Variants in SLC8B1 observed in about 807,000 individuals in gnomAD.
SLC8B1 encodes mitochondrial sodium/calcium exchanger protein.
In SLC8B1, 52 loss-of-function variants were observed where a neutral mutation model predicts 63.4. The ratio of observed to expected loss-of-function variants is 0.82; its 90% CI spans 0.66 to 1.03. The LOEUF (loss-of-function observed/expected upper bound fraction) is 1.03, where lower values mean the gene tolerates loss of function less well. Among genes scored for constraint, SLC8B1 ranks in the 50% least tolerant of loss-of-function variants. SLC8B1 has a pLI of 0.00. For missense variants in SLC8B1, 657 were observed against 741.7 expected (o/e 0.89, Z 1.33); for synonymous variants, 336 against 323.9 (o/e 1.04, Z -0.40).
In SLC8B1 at chr12:113,299,261, C is replaced by A; in HGVS notation, c.*516G>T. The stretch of plus-strand genomic sequence containing the variant: ...AGTATGTCTCGAATTCTGTTTGTGG[C>A]AGATGGTGCGGCTCTGGAGCTCAGC... On this transcript the variant is annotated 3_prime_UTR_variant, in exon 16 of 16. Coordinates refer to ENST00000680972, the MANE Select transcript of SLC8B1 (RefSeq NM_001358345.2). 1 of 160,860 alleles carries A rather than the reference C, an allele frequency of 6.2e-6. No individual in the cohort carries two copies. Among genetic ancestry groups the A allele is most frequent in the East Asian group, 1.7e-4 (1 of 5,838 alleles). 10.0% of individuals were successfully genotyped at this position (160,860 alleles called of 1,614,324 possible).
rs186647977 is a variant in SLC8B1, at chr12:113,315,963, G to A, written c.994-487C>T. Among the ~76,000 whole-genome samples the A allele has an allele frequency of 5.3e-5, 8 of 152,338 alleles. No homozygotes were observed. In the East Asian group the frequency reaches 9.6e-4, roughly 18 times the overall value. Reference sequence around the variant, plus strand: ...ATGATGGCTGGATGCGGTGGCTCACGCCTGTAATCCCAGCACTTTAGGAGG... The same window carrying A: ...ATGATGGCTGGATGCGGTGGCTCACACCTGTAATCCCAGCACTTTAGGAGG... On this transcript the variant is annotated intron_variant, in intron 10 of 15. Transcript: ENST00000680972.
At chr12:113,318,327 GTA>G (rs568960079) in intron 8 of SLC8B1, among the ~76,000 whole-genome samples, 209 of 151,468 alleles carry the variant, frequency 1.4e-3, no homozygotes, top group African/African-American at 4.8e-3. Context: ...GCATGCATCT[GTA>G]TATATGTTGC....
At position 113,299,674 on chromosome 12, in the gene SLC8B1, T is replaced by C. The variant is rs370070269; in HGVS notation, c.*103A>G. On this transcript the variant is annotated 3_prime_UTR_variant, in exon 16 of 16. Coordinates refer to ENST00000680972, the MANE Select transcript of SLC8B1 (RefSeq NM_001358345.2). ...TCCAGCAGCAAGGGCCGCACTCTCG[T>C]GCCCACAAGGGCCTTGCAGAAATGC... 4.4e-6 allele frequency: 5 copies of C among 1,138,502 alleles called. No homozygotes were observed. The highest frequency in any genetic ancestry group is 1.5e-5 in the African/African-American group (1 of 65,288). 70.5% of individuals were successfully genotyped at this position (1,138,502 alleles called of 1,614,324 possible).
intron 11 of SLC8B1, among the ~76,000 whole-genome samples, chr12:113,312,120 G>A (rs193275643): frequency 6.6e-6 from 1 of 152,064 alleles, no homozygotes; most frequent in East Asian, 1.9e-4. Flanking sequence ...AAAGGCTGTA[G>A]GAGGCAGTTG....
intron 15 of SLC8B1, among the ~76,000 whole-genome samples, chr12:113,300,271 A>T (rs1308324122): frequency 6.6e-6 from 1 of 152,186 alleles, no homozygotes; most frequent in Non-Finnish European, 1.5e-5. Context: ...TGAGGTCAGG[A>T]GTTCGACCTG....
chr12:113,320,513 C>T lies in SLC8B1; in HGVS notation c.527-15G>A, dbSNP rs1206395281. The T allele has an allele frequency of 3.1e-6, 5 of 1,613,848 alleles. No homozygotes were observed. In the African/African-American group the frequency reaches 4.0e-5, roughly 13 times the overall value. Reference sequence around the variant, plus strand: ...CACGCCAGCGCCTGGGGGGAGGAGGCCAGAGCTCAGCCACCCTGCACCCTC... The same window carrying T: ...CACGCCAGCGCCTGGGGGGAGGAGGTCAGAGCTCAGCCACCCTGCACCCTC... On this transcript the variant is annotated splice_polypyrimidine_tract_variant and intron_variant, in intron 6 of 15. Coordinates refer to ENST00000680972, the MANE Select transcript of SLC8B1 (RefSeq NM_001358345.2). The surrounding 1 kb of genome is among the most constrained non-coding windows in gnomAD (Gnocchi z 5.3).
rs1956911143 is a variant in SLC8B1 at position 113,320,597 on chromosome 12, G to A, written c.510C>T (p.Ala170=). Residue 170 remains alanine (A), a synonymous_variant, in exon 6 of 16, where the codon GCC becomes GCT. Transcript: ENST00000680972. The surrounding 1 kb of genome is among the most constrained non-coding windows in gnomAD (Gnocchi z 5.3). ...AFSDPHTAGL[A]LGALFGAGVL... is the part of the protein sequence containing the mutation. Reference sequence around the variant, plus strand: ...TGCTCTCACCAAACAGTGCCCCAAGGGCCAGGCCGGCTGTGTGCGGGTCAG... The same window carrying A: ...TGCTCTCACCAAACAGTGCCCCAAGAGCCAGGCCGGCTGTGTGCGGGTCAG... The A allele has an allele frequency of 6.2e-7, 1 of 1,614,084 alleles. No individual in the cohort carries two copies. The highest frequency in any genetic ancestry group is 8.5e-7 in the Non-Finnish European group (1 of 1,180,024).
intron 8 of SLC8B1, among the ~76,000 whole-genome samples, chr12:113,317,335 C>T (rs1256045445): frequency 5.3e-5 from 8 of 152,134 alleles, no homozygotes; most frequent in Non-Finnish European, 1.0e-4. Context: ...GCAGTCCACC[C>T]GCCTCAGCTT....
Position 113,321,318 on chromosome 12 carries a change from CAG to C in SLC8B1, c.185_186del (p.Ser62Ter). The C allele has an allele frequency of 6.2e-7, 1 of 1,614,104 alleles. No individual in the cohort carries two copies. Among genetic ancestry groups the C allele is most frequent in the Non-Finnish European group, 8.5e-7 (1 of 1,180,030 alleles). On this transcript the variant is annotated frameshift_variant, in exon 3 of 16. Coordinates refer to ENST00000680972, the MANE Select transcript of SLC8B1 (RefSeq NM_001358345.2). LOFTEE classifies it high-confidence loss of function. ...TTGGTCCGGATGAAGTCACAGCGGT[CAG>C]AGACATTCAGGCCACACACCTTGCG... ...DCRKVCGLNV[S>X]DRCDFIRTNP... is the part of the protein sequence containing the mutation.
At chr12:113,314,923 G>A (rs530207207) in intron 11 of SLC8B1, among the ~76,000 whole-genome samples, 61 of 152,282 alleles carry the variant, frequency 4.0e-4, no homozygotes, top group East Asian at 7.7e-4. Flanking sequence ...TGGCACAAGC[G>A]CATAGTAAGC....
Position 113,320,975 on chromosome 12 carries a change from A to G in SLC8B1, c.363-68T>C. On this transcript the variant is annotated intron_variant, in intron 4 of 15. Coordinates refer to ENST00000680972, the MANE Select transcript of SLC8B1 (RefSeq NM_001358345.2). The surrounding 1 kb of genome is among the most constrained non-coding windows in gnomAD (Gnocchi z 5.3). The stretch of plus-strand genomic sequence containing the variant: ...GCCCCGGACCCCTATCCTTCCCCCA[A>G]ACTGAGGGTGACCGAATGTCAGCCT... The G allele has an allele frequency of 1.3e-6, 2 of 1,590,562 alleles. No homozygotes were observed. Among genetic ancestry groups the G allele is most frequent in the South Asian group, 1.1e-5 (1 of 88,102 alleles).
At chr12:113,306,798 C>T (rs1041316209) in intron 13 of SLC8B1, 5 of 554,222 alleles carry the variant, frequency 9.0e-6, no homozygotes, top group African/African-American at 3.8e-5. Flanking sequence ...ACACCAGGAA[C>T]AACTTTGCAG....
chr12:113,307,603 C>A, intron 13 of SLC8B1, 88 bp downstream of exon 13: 1 of 1,498,634 alleles, frequency 6.7e-7, no homozygotes. Flanking sequence ...CTGGACACTC[C>A]TGCCCAGATG....
chr12:113,314,834 C>T (rs1031918874), intron 11 of SLC8B1, among the ~76,000 whole-genome samples: 2 of 152,226 alleles, frequency 1.3e-5, no homozygotes, highest in African/African-American at 4.8e-5. Flanking sequence ...TGTTTTGCAG[C>T]CTCCATCTGG....
rs2136814401 is a variant in SLC8B1, at chr12:113,299,597, G to A, written c.*180C>T. ...CCCACGGCAAGGCTGTTGGGTGCTG[G>A]CAGCAAGAGGTACACAGCAGTTCTC... On this transcript the variant is annotated 3_prime_UTR_variant, in exon 16 of 16. Coordinates refer to ENST00000680972, the MANE Select transcript of SLC8B1 (RefSeq NM_001358345.2). 1.6e-6 allele frequency: 1 copy of A among 625,968 alleles called. No homozygotes were observed. Among genetic ancestry groups the A allele is most frequent in the Non-Finnish European group, 2.8e-6 (1 of 354,508 alleles). 38.8% of individuals were successfully genotyped at this position (625,968 alleles called of 1,614,324 possible). A position where few individuals can be genotyped will look rare whatever the true frequency, so the allele number is the denominator to read the frequency against.
At chr12:113,327,127 C>T (rs1394524375) in intron 2 of SLC8B1, among the ~76,000 whole-genome samples, 4 of 152,038 alleles carry the variant, frequency 2.6e-5, no homozygotes, top group Non-Finnish European at 4.4e-5. Flanking sequence ...GATAAAGTCA[C>T]CCAAGGGGTT....
At chr12:113,316,840 G>T in intron 9 of SLC8B1, 102 bp downstream of exon 9, 1 of 1,501,496 alleles carries the variant, frequency 6.7e-7, no homozygotes, top group Non-Finnish European at 9.1e-7. Context: ...GGGCCGATTT[G>T]GAGCCTCATT....
In SLC8B1 at chr12:113,300,475, T is replaced by G. The variant is rs77981529; in HGVS notation, c.1558-501A>C. Among the ~76,000 whole-genome samples, 2,320 of 151,950 alleles carry G rather than the reference T, an allele frequency of 0.015. 121 individuals carry two copies. The East Asian group carries it at 0.19, about 12-fold the overall frequency. ...TCCAGCTTGGGTGATGGAGTAAGAC[T>G]CTGTCTCAAAAAATAAATAAAATAA... On this transcript the variant is annotated intron_variant, in intron 15 of 15. Coordinates refer to ENST00000680972, the MANE Select transcript of SLC8B1 (RefSeq NM_001358345.2).
chr12:113,305,683 T>C lies in SLC8B1; in HGVS notation c.1492+812A>G, dbSNP rs1321353890. ...GAACAGAGCCATGGCCATTCACTTA[T>C]GCACTGTCTGTGCCTGTTTCTGCAC... On this transcript the variant is annotated intron_variant, in intron 14 of 15. Transcript: ENST00000680972. The surrounding 1 kb of genome is among the most constrained non-coding windows in gnomAD (Gnocchi z 4.3). Among the ~76,000 whole-genome samples the C allele has an allele frequency of 2.0e-5, 3 of 152,242 alleles. No individual in the cohort carries two copies. Among genetic ancestry groups the C allele is most frequent in the South Asian group, 2.1e-4 (1 of 4,836 alleles).
Sources: gnomAD v4.1 joint callset for allele counts (sites outside exome capture counted in the v4.1 genomes callset) on GRCh38, gnomAD v4.1.1 for gene constraint, Gnocchi (gnomAD v3.1) non-coding constraint, MANE v1.5 for transcripts, NCBI Gene and HGNC (gene_info 2026-07-23, HGNC 2026-07-21) for gene names.